The following CSMD3 variants were observed in gnomAD, a reference collection of about 807,000 sequenced individuals.
CSMD3 encodes CUB and sushi domain-containing protein 3.
A neutral mutation model predicts 435.2 loss-of-function variants in CSMD3; 177 were observed. That is an observed-to-expected ratio of 0.41 (90% confidence interval 0.36 to 0.46). The LOEUF (loss-of-function observed/expected upper bound fraction) is 0.46, where lower values mean the gene tolerates loss of function less well. CSMD3 is among the 20% of genes least tolerant of loss of function. The pLI is 0.34. For missense variants in CSMD3, 4,265 were observed against 4,504.6 expected (o/e 0.95, Z 1.52); for synonymous variants, 1,656 against 1,520.5 (o/e 1.09, Z -2.07).
intron 1 of CSMD3, among the ~76,000 whole-genome samples, chr8:113,433,709 G>A (rs542718028): frequency 3.0e-4 from 45 of 152,300 alleles, no homozygotes; most frequent in African/African-American, 1.1e-3. Context: ...GTTCCCCTGG[G>A]ATCCACTGAC....
intron 1 of CSMD3, chr8:113,377,268 A>G: frequency 9.4e-6 from 3 of 317,736 alleles, no homozygotes; most frequent in Non-Finnish European, 1.5e-5. Flanking sequence ...CTACCCTCTT[A>G]TTAAAAATAT....
intron 11 of CSMD3, among the ~76,000 whole-genome samples, chr8:112,855,277 C>T (rs182211353): frequency 6.6e-6 from 1 of 152,216 alleles, no homozygotes; most frequent in African/African-American, 2.4e-5. Flanking sequence ...GTACTTTCTC[C>T]TACAATTTTA....
chr8:112,254,409 C>T, intron 62 of CSMD3, 83 bp from the exon 63 acceptor site: 1 of 945,332 alleles, frequency 1.1e-6, no homozygotes, highest in South Asian at 1.3e-5. Context: ...TTTAAATAAT[C>T]TGGGGTTTGG....
chr8:112,341,658 A>C lies in CSMD3; in HGVS notation c.6471T>G (p.Ser2157=). The C allele has an allele frequency of 1.2e-6, 2 of 1,611,490 alleles. No individual in the cohort carries two copies. The highest frequency in any genetic ancestry group is 1.1e-5 in the South Asian group (1 of 91,004). The change falls in exon 42 of 71, where the codon TCT becomes TCG. Residue 2157 remains serine (S), a synonymous_variant. Transcript: ENST00000297405. The part of the protein sequence containing the change: ...FGVHLQFVNF[S]TETIHDYLEV... ...CCAAATAATCATGTATGGTTTCTGT[A>C]GAAAAATTTACAAACTGGAGATGTA...
chr8:112,604,185 A>T (rs560399874), intron 22 of CSMD3, among the ~76,000 whole-genome samples: 11 of 152,284 alleles, frequency 7.2e-5, no homozygotes, highest in African/African-American at 2.4e-4. Flanking sequence ...TACTCATAGT[A>T]AATATTCAAA....
chr8:112,807,638 T>G (rs559885104), intron 12 of CSMD3, among the ~76,000 whole-genome samples: 1 of 152,096 alleles, frequency 6.6e-6, no homozygotes, highest in Non-Finnish European at 1.5e-5. Context: ...GGAAAACTGA[T>G]AGCTGATTTT....
intron 10 of CSMD3, among the ~76,000 whole-genome samples, chr8:112,880,327 G>T (rs1286759313): frequency 6.6e-6 from 1 of 152,170 alleles, no homozygotes; most frequent in East Asian, 1.9e-4. Flanking sequence ...AATAAGGTGG[G>T]ATCCTACGCT....
intron 27 of CSMD3, among the ~76,000 whole-genome samples, chr8:112,542,067 G>A (rs1368514925): frequency 6.6e-6 from 1 of 151,548 alleles, no homozygotes; most frequent in Non-Finnish European, 1.5e-5. Context: ...AATTTCAGTA[G>A]ATGCAGAAAA....
At chr8:112,731,157 C>A (rs570403340) in intron 13 of CSMD3, among the ~76,000 whole-genome samples, 10 of 152,084 alleles carry the variant, frequency 6.6e-5, no homozygotes, top group Non-Finnish European at 8.8e-5. Context: ...TAATAGTTTT[C>A]TCTAAGACTA....
At chr8:113,121,585 C>T (rs1021731162) in intron 4 of CSMD3, among the ~76,000 whole-genome samples, 1 of 152,050 alleles carries the variant, frequency 6.6e-6, no homozygotes, top group Non-Finnish European at 1.5e-5. Flanking sequence ...CCTCAAAATA[C>T]TACATAATGG....
At chr8:112,442,420 T>C (rs1013355102) in intron 32 of CSMD3, among the ~76,000 whole-genome samples, 2 of 152,176 alleles carry the variant, frequency 1.3e-5, no homozygotes, top group African/African-American at 2.4e-5. Flanking sequence ...CCTTGCAATA[T>C]TGAATTTACA....
intron 11 of CSMD3, among the ~76,000 whole-genome samples, chr8:112,839,662 T>C (rs2080125632): frequency 6.6e-6 from 1 of 151,644 alleles, no homozygotes; most frequent in African/African-American, 2.4e-5. Flanking sequence ...AGAAGGGCTC[T>C]TTTTCTGTTT....
intron 1 of CSMD3, among the ~76,000 whole-genome samples, chr8:113,361,286 A>G (rs978986616): frequency 1.3e-5 from 2 of 152,214 alleles, no homozygotes; most frequent in Non-Finnish European, 2.9e-5. Context: ...TAATTTTAAA[A>G]ATGGCTAAGA....
intron 18 of CSMD3, among the ~76,000 whole-genome samples, chr8:112,653,045 G>A (rs1278728245): frequency 6.6e-6 from 1 of 152,072 alleles, no homozygotes; most frequent in African/African-American, 2.4e-5. Flanking sequence ...TCAAACTAAT[G>A]ACCTCAAGTG....
chr8:112,649,417 C>A (rs73702369), intron 19 of CSMD3, among the ~76,000 whole-genome samples: 2,303 of 152,216 alleles, frequency 0.015, 55 homozygotes, highest in African/African-American at 0.053. Context: ...CATAAAATGA[C>A]AAATGGTATC....
At chr8:113,112,739 G>T (rs1327000568) in intron 4 of CSMD3, among the ~76,000 whole-genome samples, 1 of 151,976 alleles carries the variant, frequency 6.6e-6, no homozygotes, top group Non-Finnish European at 1.5e-5. Flanking sequence ...ACTGAAGATT[G>T]AACTTTGTTC....
At position 113,414,651 on chromosome 8, in the gene CSMD3, C is replaced by CAA. The variant is rs780988317; in HGVS notation, c.178+22024_178+22025dup. On this transcript the variant is annotated intron_variant, in intron 1 of 70. Transcript: ENST00000297405. ...GCACATTTTCAAATGTGCCCAAATACAAAAAAAAAAAAAAAAAAAAAAGTA... is the reference window on the plus strand; with the variant it reads ...GCACATTTTCAAATGTGCCCAAATACAAAAAAAAAAAAAAAAAAAAAAAAGTA... 2.7e-3 allele frequency among the ~76,000 whole-genome samples: 233 copies of CAA among 85,062 alleles called. 1 individual carries two copies. The highest frequency in any genetic ancestry group is 8.1e-3 in the African/African-American group (205 of 25,160). 55.8% of individuals were successfully genotyped at this position (85,062 alleles called of 152,430 possible). A position where few individuals can be genotyped will look rare whatever the true frequency, so the allele number is the denominator to read the frequency against.
intron 9 of CSMD3, among the ~76,000 whole-genome samples, chr8:112,932,286 G>A (rs1044557958): frequency 6.6e-6 from 1 of 152,196 alleles, no homozygotes; most frequent in Non-Finnish European, 1.5e-5. Context: ...ATCATATGCA[G>A]CAACATGGAC....
intron 22 of CSMD3, among the ~76,000 whole-genome samples, chr8:112,626,007 A>G (rs1348631585): frequency 1.3e-5 from 2 of 152,094 alleles, no homozygotes; most frequent in African/African-American, 4.8e-5. Context: ...TATTATTTCC[A>G]TGGCAACTGT....
Sources: allele counts gnomAD v4.1 joint callset (sites outside exome capture counted in the v4.1 genomes callset), GRCh38; gene constraint gnomAD v4.1.1; transcripts MANE v1.5; gene names NCBI Gene and HGNC (gene_info 2026-07-23, HGNC 2026-07-21).